The following PLSCR5 variants were observed in gnomAD, a reference collection of about 807,000 sequenced individuals.
PLSCR5 encodes phospholipid scramblase family member 5.
In PLSCR5, 44 loss-of-function variants were observed where a neutral mutation model predicts 33.6. The observed-to-expected ratio is 1.31, with a 90% CI of 1.03 to 1.69. PLSCR5 has a LOEUF of 1.69. Ranked by LOEUF, PLSCR5 falls within the 40% of genes most tolerant of loss-of-function variation. The pLI, the probability that PLSCR5 is intolerant of heterozygous loss-of-function variation, is 0.00. For missense variants in PLSCR5, 375 were observed against 318.7 expected (o/e 1.18, Z -1.34); for synonymous variants, 148 against 112.3 (o/e 1.32, Z -2.01).
At chr3:146,597,207 T>G (rs372197154) in intron 2 of PLSCR5, among the ~76,000 whole-genome samples, 55 of 152,222 alleles carry the variant, frequency 3.6e-4, no homozygotes, top group African/African-American at 1.3e-3. Flanking sequence ...CTCTCTAATA[T>G]CCAACAATAA....
In PLSCR5 at chr3:146,591,464, T is replaced by G. The variant is rs776264628; in HGVS notation, c.615+256A>C. The stretch of plus-strand genomic sequence containing the variant: ...ATATTACTTTGGATAATACTTACAC[T>G]GGTCTATGACAGATATGATGGCCAA... On this transcript the variant is annotated intron_variant, in intron 5 of 7. Transcript: ENST00000443512. Among the ~76,000 whole-genome samples, 4 of 152,024 alleles carry G rather than the reference T, an allele frequency of 2.6e-5. No homozygotes were observed. The South Asian group carries it at 8.3e-4, about 31-fold the overall frequency.
chr3:146,591,049 C>G (rs1233808399), intron 5 of PLSCR5, among the ~76,000 whole-genome samples: 1 of 144,758 alleles, frequency 6.9e-6, no homozygotes, highest in East Asian at 2.0e-4. Context: ...CTTAGAAACA[C>G]AGCTTTTGAG....
chr3:146,579,560 C>G (rs548524220), intron 7 of PLSCR5, among the ~76,000 whole-genome samples: 1 of 152,178 alleles, frequency 6.6e-6, no homozygotes, highest in Admixed American at 6.5e-5. Context: ...ATCCAAACCC[C>G]TCTTTTGTAG....
intron 1 of PLSCR5, 44 bp downstream of exon 1, chr3:146,605,156 C>G: frequency 1.3e-6 from 2 of 1,565,544 alleles, no homozygotes; most frequent in Non-Finnish European, 1.8e-6. Context: ...TATTTTTAGT[C>G]TTAATATAAG....
chr3:146,581,489 T>A (rs559001720), downstream of PLSCR5, among the ~76,000 whole-genome samples: 2 of 152,316 alleles, frequency 1.3e-5, no homozygotes, highest in East Asian at 1.9e-4. Context: ...CCAGAAATAT[T>A]TGTTGAAGAG....
chr3:146,601,360 A>AT (rs146183615), intron 1 of PLSCR5, among the ~76,000 whole-genome samples: 4 of 151,354 alleles, frequency 2.6e-5, no homozygotes, highest in Admixed American at 2.6e-4. Flanking sequence ...ATTAGATATA[A>AT]TTTTTTTTTC....
intron 5 of PLSCR5, among the ~76,000 whole-genome samples, chr3:146,591,302 T>G (rs2044712220): frequency 6.6e-6 from 1 of 152,026 alleles, no homozygotes; most frequent in African/African-American, 2.4e-5. Flanking sequence ...TCCAAAAATT[T>G]TTGATGTTCA....
chr3:146,604,899 T>C (rs6767834), intron 1 of PLSCR5, among the ~76,000 whole-genome samples: 4,142 of 152,242 alleles, frequency 0.027, 203 homozygotes, highest in African/African-American at 0.094. Flanking sequence ...TGTCCTTGTG[T>C]TTAACATTGA....
chr3:146,596,255 C>T (rs2044760342), intron 2 of PLSCR5, among the ~76,000 whole-genome samples: 1 of 152,190 alleles, frequency 6.6e-6, no homozygotes, highest in South Asian at 2.1e-4. Context: ...GTGGCACCAT[C>T]TTGGCTCACT....
At chr3:146,600,752 A>G (rs1235317598) in intron 1 of PLSCR5, among the ~76,000 whole-genome samples, 5 of 150,454 alleles carry the variant, frequency 3.3e-5, no homozygotes. Flanking sequence ...CTGTATATAT[A>G]TAATTACTTG....
At chr3:146,582,064 C>T (rs2044635964), downstream of PLSCR5, among the ~76,000 whole-genome samples, 1 of 152,204 alleles carries the variant, frequency 6.6e-6, no homozygotes, top group Non-Finnish European at 1.5e-5. Context: ...ATGCTCTTCC[C>T]CTAAACCAGA....
intron 7 of PLSCR5, among the ~76,000 whole-genome samples, chr3:146,579,209 A>C (rs1014646105): frequency 2.0e-5 from 3 of 152,138 alleles, no homozygotes; most frequent in African/African-American, 7.2e-5. Flanking sequence ...TTTTTCTTCC[A>C]AGGTGAGCAA....
intron 2 of PLSCR5, among the ~76,000 whole-genome samples, chr3:146,598,301 T>C (rs952769342): frequency 1.3e-5 from 2 of 152,170 alleles, no homozygotes; most frequent in Non-Finnish European, 2.9e-5. Flanking sequence ...AAAAATTCAT[T>C]TTATATTGTG....
intron 7 of PLSCR5, among the ~76,000 whole-genome samples, chr3:146,576,876 T>C (rs17432313): frequency 0.076 from 11,635 of 152,108 alleles, 496 homozygotes; most frequent in East Asian, 0.16. Flanking sequence ...CTGATTACTA[T>C]AGTTTTGAAA....
At chr3:146,582,593 C>T (rs1196100295), downstream of PLSCR5, among the ~76,000 whole-genome samples, 1 of 152,152 alleles carries the variant, frequency 6.6e-6, no homozygotes, top group Non-Finnish European at 1.5e-5. Context: ...TAACCTCACC[C>T]TTGGCATGTC....
downstream of PLSCR5, among the ~76,000 whole-genome samples, chr3:146,581,189 C>CA (rs2044630915): frequency 6.6e-6 from 1 of 152,214 alleles, no homozygotes. Context: ...TTAAACTCCA[C>CA]ACTTTCCCAA....
At chr3:146,603,444 A>G (rs530493800) in intron 1 of PLSCR5, among the ~76,000 whole-genome samples, 1 of 152,092 alleles carries the variant, frequency 6.6e-6, no homozygotes, top group Non-Finnish European at 1.5e-5. Flanking sequence ...CCTTCCATGC[A>G]TTAAATATTT....
intron 5 of PLSCR5, 23 bp downstream of exon 5, chr3:146,591,697 T>C (rs1235813697): frequency 1.3e-5 from 21 of 1,593,430 alleles, no homozygotes; most frequent in Non-Finnish European, 1.7e-5. Flanking sequence ...AAATGAAAAC[T>C]TCTTTCATTT....
chr3:146,589,908 TTTTA>T (rs1294819221), intron 5 of PLSCR5, 94 bp from the exon 6 acceptor site: 22 of 761,628 alleles, frequency 2.9e-5, no homozygotes, highest in Admixed American at 1.2e-4. Flanking sequence ...ATTTGAATTA[TTTTA>T]TTTGTCATCT....
Sources: allele counts gnomAD v4.1 joint callset (sites outside exome capture counted in the v4.1 genomes callset), GRCh38; gene constraint gnomAD v4.1.1; transcripts MANE v1.5; gene names NCBI Gene and HGNC (gene_info 2026-07-23, HGNC 2026-07-21).